BAZ2B: variants seen among roughly 807,000 people sequenced by gnomAD.
BAZ2B encodes the protein bromodomain adjacent to zinc finger domain protein 2B.
Under a neutral mutation model 246.0 loss-of-function variants are expected in BAZ2B, and 91 were observed. The observed-to-expected ratio is 0.37, with a 90% CI of 0.31 to 0.44. BAZ2B has a LOEUF of 0.44. Among genes scored for constraint, BAZ2B ranks in the 20% least tolerant of loss-of-function variants. BAZ2B has a pLI of 1.00. For missense variants in BAZ2B, 2,332 were observed against 2,533.7 expected (o/e 0.92, Z 1.71); for synonymous variants, 855 against 860.0 (o/e 0.99, Z 0.10).
chr2:159,326,036 A>C (rs2063669558), intron 34 of BAZ2B, 118 bp from the exon 35 acceptor site: 1 of 851,724 alleles, frequency 1.2e-6, no homozygotes. Context: ...CTGATCTAGA[A>C]TGTTGATAAC....
chr2:159,700,709 T>C, the BAZ2B span, among the ~76,000 whole-genome samples: 2 of 152,208 alleles, frequency 1.3e-5, no homozygotes, highest in African/African-American at 4.8e-5. Context: ...CCTCCCAAAG[T>C]GTTGGGATTA....
the BAZ2B span, among the ~76,000 whole-genome samples, chr2:159,676,413 T>A: frequency 6.6e-6 from 1 of 152,146 alleles, no homozygotes; most frequent in Non-Finnish European, 1.5e-5. Context: ...TCACAGCTAT[T>A]TGTATATATG....
chr2:159,437,459 T>C (rs2072592449), intron 8 of BAZ2B: 1 of 151,670 alleles, frequency 6.6e-6, no homozygotes. Context: ...CTCAAACTCC[T>C]GGGCTCAAAC....
chr2:159,316,714 A>AAAAG (rs1558909091), downstream of BAZ2B, among the ~76,000 whole-genome samples: 10 of 149,792 alleles, frequency 6.7e-5, no homozygotes, highest in Non-Finnish European at 8.9e-5. Context: ...AAAAAAAAAA[A>AAAAG]AAAGAAAGAA....
intron 3 of BAZ2B, among the ~76,000 whole-genome samples, chr2:159,466,375 T>C (rs1215372294): frequency 2.0e-5 from 3 of 152,186 alleles, no homozygotes; most frequent in African/African-American, 7.2e-5. Flanking sequence ...CTCCTTCCCT[T>C]CCTTTCTTCA....
In BAZ2B at chr2:159,347,535, T is replaced by C; in HGVS notation, c.5405A>G (p.Gln1802Arg). ...AMEMDLSVLQ[Q>R]VEDLERRVAS... ...AACTCTCCTTTCTAGATCTTCTACC[T>C]GTTGAAGGACACTCAAATCCATTTC... The change falls in exon 31 of 37, where the codon CAG becomes CGG. Residue 1802 changes from glutamine (Q) to arginine (R), a missense_variant. By Grantham distance (43) the Gln-to-Arg change is conservative (BLOSUM62 1). Coordinates refer to ENST00000392783, the MANE Select transcript of BAZ2B (RefSeq NM_013450.4). 1.2e-6 allele frequency: 2 copies of C among 1,613,908 alleles called. No homozygotes were observed. The highest frequency in any genetic ancestry group is 1.7e-6 in the Non-Finnish European group (2 of 1,179,856).
At chr2:159,710,496 C>T in the BAZ2B span, among the ~76,000 whole-genome samples, 1 of 152,186 alleles carries the variant, frequency 6.6e-6, no homozygotes, top group African/African-American at 2.4e-5. Flanking sequence ...GCATGAGCCA[C>T]GGCGCCCGGC....
chr2:159,379,053 T>C (rs2061704050), intron 25 of BAZ2B, among the ~76,000 whole-genome samples: 2 of 152,172 alleles, frequency 1.3e-5, no homozygotes, highest in African/African-American at 2.4e-5. Context: ...TCATGTTCAT[T>C]GCAATGTTAT....
intron 2 of BAZ2B, among the ~76,000 whole-genome samples, chr2:159,498,713 A>G (rs1029379599): frequency 2.0e-5 from 3 of 152,044 alleles, no homozygotes; most frequent in Non-Finnish European, 4.4e-5. Flanking sequence ...AATTCCCCCT[A>G]CCATTCTCTT....
At chr2:159,667,710 A>G in the BAZ2B span, among the ~76,000 whole-genome samples, 1 of 152,170 alleles carries the variant, frequency 6.6e-6, no homozygotes, top group East Asian at 1.9e-4. Context: ...TTATATATGT[A>G]TGTCCCAGGC....
chr2:159,579,710 C>T (rs1017900288), intron 1 of BAZ2B, among the ~76,000 whole-genome samples: 2 of 151,846 alleles, frequency 1.3e-5, no homozygotes, highest in African/African-American at 4.8e-5. Flanking sequence ...GCAGCAAAAG[C>T]TTATCCAACA....
chr2:159,663,085 T>C, the BAZ2B span, among the ~76,000 whole-genome samples: 2 of 152,202 alleles, frequency 1.3e-5, no homozygotes, highest in Non-Finnish European at 2.9e-5. Context: ...GATTTGCAAA[T>C]ATTTCTCCCA....
intron 25 of BAZ2B, among the ~76,000 whole-genome samples, chr2:159,376,613 T>C (rs772989972): frequency 9.2e-5 from 14 of 152,216 alleles, no homozygotes; most frequent in Non-Finnish European, 1.9e-4. Flanking sequence ...TATTTATATA[T>C]AGATTCTAAA....
intron 13 of BAZ2B, among the ~76,000 whole-genome samples, chr2:159,416,732 T>C (rs2067790565): frequency 6.6e-6 from 1 of 152,196 alleles, no homozygotes; most frequent in South Asian, 2.1e-4. Flanking sequence ...ATAGTGACCA[T>C]ATCATTCACA....
rs1283547798 is a variant in BAZ2B at position 159,483,834 on chromosome 2, AAAG to A, written c.-2-5116_-2-5114del. Among the ~76,000 whole-genome samples, 10 of 152,236 alleles carry A rather than the reference AAAG, an allele frequency of 6.6e-5. No individual in the cohort carries two copies. In the East Asian group the frequency reaches 7.7e-4, roughly 12 times the overall value. ...AACAAAAAAATGAGAAGAAAAGAAA[AAAG>A]AAGGTTAACTAGTTAAAAGACGACT... On this transcript the variant is annotated intron_variant, in intron 2 of 36. Coordinates refer to ENST00000392783, the MANE Select transcript of BAZ2B (RefSeq NM_013450.4).
At chr2:159,705,847 A>G in the BAZ2B span, among the ~76,000 whole-genome samples, 1 of 152,070 alleles carries the variant, frequency 6.6e-6, no homozygotes, top group Non-Finnish European at 1.5e-5. Context: ...CTATGGCAAA[A>G]AATACTACAT....
At chr2:159,420,254 A>G (rs1402390962) in intron 13 of BAZ2B, among the ~76,000 whole-genome samples, 1 of 152,212 alleles carries the variant, frequency 6.6e-6, no homozygotes, top group Non-Finnish European at 1.5e-5. Flanking sequence ...CTACTTACAG[A>G]AAAAACTGCC....
At chr2:159,667,800 G>T in the BAZ2B span, among the ~76,000 whole-genome samples, 3 of 151,900 alleles carry the variant, frequency 2.0e-5, no homozygotes, top group Admixed American at 2.0e-4. Context: ...ATTATAACTT[G>T]AAGTCTTGAA....
rs369943226 is a variant in BAZ2B, at chr2:159,557,220, ATT to A, written c.-45-1357_-45-1356del. Among the ~76,000 whole-genome samples, 1,121 of 124,060 alleles carry A rather than the reference ATT, an allele frequency of 9.0e-3. 15 individuals carry two copies. The highest frequency in any genetic ancestry group is 0.027 in the African/African-American group (901 of 33,086). The allele number at this position is 124,060 out of a possible 152,430, so 81.4% of individuals were successfully genotyped here. A position where few individuals can be genotyped will look rare whatever the true frequency, so the allele number is the denominator to read the frequency against. On this transcript the variant is annotated intron_variant, in intron 1 of 36. Coordinates refer to ENST00000392783, the MANE Select transcript of BAZ2B (RefSeq NM_013450.4). ...GTGTGTCACTACACCTGGCTAATTA[ATT>A]TTTTTTTTTTTTTTTTGAGATACGG...
Sources: gnomAD v4.1 joint callset for allele counts (sites outside exome capture counted in the v4.1 genomes callset) on GRCh38, gnomAD v4.1.1 for gene constraint, MANE v1.5 for transcripts, NCBI Gene and HGNC (gene_info 2026-07-23, HGNC 2026-07-21) for gene names.